SDK2: variants seen among roughly 807,000 people sequenced by gnomAD.
SDK2 encodes the protein protein sidekick-2.
SDK2 carries 105 observed loss-of-function variants against 253.9 expected under a neutral mutation model. The observed-to-expected ratio is 0.41, with a 90% CI of 0.35 to 0.49. The LOEUF (loss-of-function observed/expected upper bound fraction) is 0.49, where lower values mean the gene tolerates loss of function less well. SDK2 is among the 20% of genes least tolerant of loss of function. The probability of loss-of-function intolerance (pLI) is 0.06; values close to 1 mark genes in which losing one functional copy is unlikely to be tolerated. For missense variants in SDK2, 2,608 were observed against 3,003.0 expected (o/e 0.87, Z 3.07); for synonymous variants, 1,249 against 1,234.9 (o/e 1.01, Z -0.24).
intron 2 of SDK2, among the ~76,000 whole-genome samples, chr17:73,490,382 A>G (rs888354690): frequency 6.6e-6 from 1 of 152,188 alleles, no homozygotes; most frequent in Non-Finnish European, 1.5e-5. Flanking sequence ...GATGGTAGAC[A>G]CAGGTGGAGA....
At chr17:73,347,316 C>T (rs371738272) in intron 44 of SDK2, among the ~76,000 whole-genome samples, 3 of 152,142 alleles carry the variant, frequency 2.0e-5, no homozygotes, top group African/African-American at 4.8e-5. Flanking sequence ...GTGGAGATTG[C>T]GCCACTGCAC....
intron 5 of SDK2, among the ~76,000 whole-genome samples, chr17:73,442,188 G>T (rs1016381670): frequency 6.6e-6 from 1 of 152,240 alleles, no homozygotes; most frequent in Non-Finnish European, 1.5e-5. Flanking sequence ...GTGAGGACAC[G>T]GCTGGAAGGC....
In SDK2 at chr17:73,395,154, C is replaced by A. The variant is rs1314833290; in HGVS notation, c.3592+1G>T. 5.1e-6 allele frequency: 8 copies of A among 1,581,826 alleles called. No individual in the cohort carries two copies. Among genetic ancestry groups the A allele is most frequent in the Non-Finnish European group, 6.9e-6 (8 of 1,165,922 alleles). The stretch of plus-strand genomic sequence containing the variant: ...GGTGGCTGGGTGTGAGGGGTTGGTA[C>A]CTGACTCCCGGGTCCTGCCCACCAC... On this transcript the variant is annotated splice_donor_variant, in intron 25 of 44. Transcript: ENST00000392650. LOFTEE classifies it high-confidence loss of function. The surrounding 1 kb of genome is among the most constrained non-coding windows in gnomAD (Gnocchi z 4.3).
chr17:73,388,889 TCTCC>T (rs369112065), intron 29 of SDK2, among the ~76,000 whole-genome samples: 1,647 of 77,254 alleles, frequency 0.021, 222 homozygotes, highest in African/African-American at 0.11. Context: ...TTCTCTTCCT[TCTCC>T]CTCCCTCCCT....
In SDK2 at chr17:73,642,675, G is replaced by T. The variant is rs1196690867; in HGVS notation, c.64+1350C>A. Among the ~76,000 whole-genome samples, 1 of 152,152 alleles carries T rather than the reference G, an allele frequency of 6.6e-6. No homozygotes were observed. The highest frequency in any genetic ancestry group is 2.4e-5 in the African/African-American group (1 of 41,420). ...CCTCAGTTTCCCTATCTGTTAAATG[G>T]CTACTAGAATAAGATGACCTCTGAG... On this transcript the variant is annotated intron_variant, in intron 1 of 44. Transcript: ENST00000392650. This position sits in a 1 kb window ranked among gnomAD's most constrained non-coding sequence, Gnocchi z 4.7.
rs1289303346 is a variant in SDK2, at chr17:73,486,626, AAAAAAAAG to A, written c.225-14416_225-14409del. Among the ~76,000 whole-genome samples the A allele has an allele frequency of 4.7e-3, 717 of 151,430 alleles. 6 individuals are homozygous for A. Among genetic ancestry groups the A allele is most frequent in the African/African-American group, 0.017 (700 of 41,274 alleles). On this transcript the variant is annotated intron_variant, in intron 2 of 44. Coordinates refer to ENST00000392650, the MANE Select transcript of SDK2 (RefSeq NM_001144952.2). ...CTCTGCTTCTAAAAAAAAAAAAAAAAAAAAAAAGAGGCAGAAAGAGAGGGCAAGTGATG... is the reference window on the plus strand; with the variant it reads ...CTCTGCTTCTAAAAAAAAAAAAAAAAAGGCAGAAAGAGAGGGCAAGTGATG...
chr17:73,609,255 G>A lies in SDK2; in HGVS notation c.64+34770C>T, dbSNP rs555525926. On this transcript the variant is annotated intron_variant, in intron 1 of 44. Coordinates refer to ENST00000392650, the MANE Select transcript of SDK2 (RefSeq NM_001144952.2). The surrounding 1 kb of genome is among the most constrained non-coding windows in gnomAD (Gnocchi z 4.4). The stretch of plus-strand genomic sequence containing the variant: ...GCTGGAGGGAATACACATGGGTATC[G>A]CAGGCAGAGGTTGGATGAGATCACC... Among the ~76,000 whole-genome samples the A allele has an allele frequency of 5.9e-5, 9 of 152,248 alleles. No individual in the cohort carries two copies. The South Asian group carries it at 1.7e-3, about 28-fold the overall frequency.
At chr17:73,442,572 C>T (rs1261997465) in intron 5 of SDK2, among the ~76,000 whole-genome samples, 2 of 152,096 alleles carry the variant, frequency 1.3e-5, no homozygotes, top group Non-Finnish European at 2.9e-5. Flanking sequence ...AACTTCTGAC[C>T]TCAGATGATC....
chr17:73,579,153 C>A (rs573115472), intron 1 of SDK2, among the ~76,000 whole-genome samples: 1 of 152,262 alleles, frequency 6.6e-6, no homozygotes, highest in East Asian at 1.9e-4. Context: ...GCACGTCTGG[C>A]CTGAGCTCCT....
At chr17:73,469,544 C>T (rs1168167192) in intron 3 of SDK2, among the ~76,000 whole-genome samples, 1 of 152,216 alleles carries the variant, frequency 6.6e-6, no homozygotes, top group African/African-American at 2.4e-5. Context: ...TGCCCATGAT[C>T]AGTGCAACTT....
At chr17:73,571,270 G>A (rs1040937668) in intron 1 of SDK2, among the ~76,000 whole-genome samples, 2 of 152,180 alleles carry the variant, frequency 1.3e-5, no homozygotes, top group East Asian at 3.9e-4. Context: ...AGAGGCTAAG[G>A]AGGGTGACAG....
At chr17:73,472,023 G>T in intron 3 of SDK2, 89 bp downstream of exon 3, 1 of 950,314 alleles carries the variant, frequency 1.1e-6, no homozygotes. Flanking sequence ...TGGCCATGAC[G>T]GGATCTGGCT....
rs1284126231 is a variant in SDK2 at position 73,380,876 on chromosome 17, C to T, written c.4762+18G>A. On this transcript the variant is annotated intron_variant, in intron 34 of 44. Coordinates refer to ENST00000392650, the MANE Select transcript of SDK2 (RefSeq NM_001144952.2). The stretch of plus-strand genomic sequence containing the variant: ...GAGGCCTGGGCCCGCGATGAAGCCA[C>T]CATGCAAGGAGACTTACTGTCCAGC... 1.9e-6 allele frequency: 3 copies of T among 1,560,806 alleles called. No homozygotes were observed. Among genetic ancestry groups the T allele is most frequent in the African/African-American group, 1.4e-5 (1 of 73,492 alleles).
At chr17:73,523,753 G>A (rs748873) in intron 1 of SDK2, among the ~76,000 whole-genome samples, 43,761 of 151,738 alleles carry the variant, frequency 0.29, 6,477 homozygotes, top group East Asian at 0.4. Flanking sequence ...AGCAGCAAAT[G>A]GAACCACCCC....
Position 73,398,993 on chromosome 17 carries a change from T to C in SDK2, c.3093+175A>G, listed in dbSNP as rs192606894. 2.7e-4 allele frequency among the ~76,000 whole-genome samples: 41 copies of C among 152,078 alleles called. No individual in the cohort carries two copies. In the East Asian group the frequency reaches 7.5e-3, roughly 28 times the overall value. ...GTGTGTGTTTTTCCATGTACACAGG[T>C]GAGGGGCAGGGGGAGTTGGAGACAA... is the stretch of plus-strand genomic sequence containing the variant. On this transcript the variant is annotated intron_variant, in intron 22 of 44. Coordinates refer to ENST00000392650, the MANE Select transcript of SDK2 (RefSeq NM_001144952.2).
chr17:73,575,855 G>A (rs1362322354), intron 1 of SDK2, among the ~76,000 whole-genome samples: 3 of 152,244 alleles, frequency 2.0e-5, no homozygotes, highest in Non-Finnish European at 4.4e-5. Context: ...GGATTCTCAC[G>A]AAGGGGCAGG....
chr17:73,368,984 CCTGG>C (rs1298596288), intron 36 of SDK2, among the ~76,000 whole-genome samples: 1 of 151,228 alleles, frequency 6.6e-6, no homozygotes, highest in Non-Finnish European at 1.5e-5. Flanking sequence ...TGTACTCCAG[CCTGG>C]GTGACAGAGC....
intron 2 of SDK2, among the ~76,000 whole-genome samples, chr17:73,473,313 G>C (rs2063664939): frequency 6.6e-6 from 1 of 152,224 alleles, no homozygotes; most frequent in Non-Finnish European, 1.5e-5. Context: ...TCTGACAGTG[G>C]GACAGGAGTG....
intron 3 of SDK2, among the ~76,000 whole-genome samples, chr17:73,457,300 TCCCCCTCCCC>T (rs2063535236): frequency 1.2e-4 from 2 of 16,064 alleles, no homozygotes; most frequent in Non-Finnish European, 1.9e-4. Context: ...CCTCCCTCCC[TCCCCCTCCCC>T]CCCTCCCCTC....
Sources: allele counts gnomAD v4.1 joint callset (sites outside exome capture counted in the v4.1 genomes callset), GRCh38; gene constraint gnomAD v4.1.1; non-coding constraint Gnocchi (gnomAD v3.1); transcripts MANE v1.5; gene names NCBI Gene and HGNC (gene_info 2026-07-23, HGNC 2026-07-21).